MACROD2: variants seen among roughly 807,000 people sequenced by gnomAD.
The protein encoded by MACROD2 is ADP-ribose glycohydrolase MACROD2.
Under a neutral mutation model 70.4 loss-of-function variants are expected in MACROD2, and 36 were observed. That is an observed-to-expected ratio of 0.51 (90% CI 0.39 to 0.68). The LOEUF (loss-of-function observed/expected upper bound fraction) is 0.68. Ranked by LOEUF, MACROD2 falls within the 30% of genes least tolerant of loss-of-function variation. The pLI is 0.00. For synonymous variants in MACROD2, 172 were observed against 178.8 expected (o/e 0.96, Z 0.30); for missense variants, 496 against 538.4 (o/e 0.92, Z 0.78).
At chr20:14,562,082 C>A (rs547497570) in intron 4 of MACROD2, among the ~76,000 whole-genome samples, 6 of 151,838 alleles carry the variant, frequency 4.0e-5, no homozygotes, top group Admixed American at 3.9e-4. Context: ...CTAAATAGAA[C>A]CTATCCCTCT....
At chr20:15,184,085 C>CTCT (rs1555790538) in intron 5 of MACROD2, among the ~76,000 whole-genome samples, 1 of 151,670 alleles carries the variant, frequency 6.6e-6, no homozygotes, top group African/African-American at 2.4e-5. Context: ...TTTCAAGGAA[C>CTCT]CCTCCCCTTT....
intron 3 of MACROD2, among the ~76,000 whole-genome samples, chr20:14,439,138 G>A (rs1165933903): frequency 2.0e-5 from 3 of 152,092 alleles, no homozygotes; most frequent in African/African-American, 7.2e-5. Context: ...AGTTTTTGTA[G>A]CACTATTTGT....
chr20:14,848,472 T>C (rs2073165852), intron 5 of MACROD2, among the ~76,000 whole-genome samples: 1 of 152,102 alleles, frequency 6.6e-6, no homozygotes, highest in Admixed American at 6.5e-5. Flanking sequence ...AGTATGCTGT[T>C]TTTATTTAAT....
Position 16,045,364 on chromosome 20 carries a change from T to C in MACROD2, c.1300+725T>C, listed in dbSNP as rs1041461545. On this transcript the variant is annotated intron_variant, in intron 17 of 17. Coordinates refer to ENST00000684519, the MANE Select transcript of MACROD2 (RefSeq NM_001351661.2). ...GTGTAACTGAGTCCAAAGCCAGTAC[T>C]GCTTGCTTCATGGCAGCCAATACAT... 1.7e-3 allele frequency among the ~76,000 whole-genome samples: 265 copies of C among 152,328 alleles called. 8 individuals are homozygous for C. The highest frequency in any genetic ancestry group is 2.4e-4 in the Non-Finnish European group (16 of 68,022).
intron 2 of MACROD2, among the ~76,000 whole-genome samples, chr20:14,048,820 G>A (rs1409250377): frequency 7.2e-5 from 11 of 152,274 alleles, no homozygotes; most frequent in East Asian, 3.9e-4. Flanking sequence ...TACTAATAAT[G>A]TACTTTGAAG....
chr20:14,951,013 A>G lies in MACROD2; in HGVS notation c.418+266054A>G, dbSNP rs545012440. ...GTATCTTCTTTCAGTACTGAGCTTA[A>G]TATGTAGAGAACCAAGGCAGCCCAC... On this transcript the variant is annotated intron_variant, in intron 5 of 17. Transcript: ENST00000684519. Among the ~76,000 whole-genome samples, 10 of 152,232 alleles carry G rather than the reference A, an allele frequency of 6.6e-5. No individual in the cohort carries two copies. The South Asian group carries it at 2.1e-3, about 32-fold the overall frequency.
At chr20:14,375,861 C>G (rs2083366227) in intron 3 of MACROD2, among the ~76,000 whole-genome samples, 1 of 152,180 alleles carries the variant, frequency 6.6e-6, no homozygotes, top group East Asian at 1.9e-4. Context: ...TCTGTTTGGT[C>G]ATTATGCCAG....
intron 7 of MACROD2, among the ~76,000 whole-genome samples, chr20:15,486,739 G>T (rs952639481): frequency 3.3e-5 from 5 of 152,184 alleles, no homozygotes; most frequent in African/African-American, 1.2e-4. Context: ...AGGTGGCAAA[G>T]ACCTAGATAG....
At chr20:14,517,496 G>T (rs560366624) in intron 4 of MACROD2, among the ~76,000 whole-genome samples, 107 of 152,182 alleles carry the variant, frequency 7.0e-4, no homozygotes, top group Middle Eastern at 3.4e-3. Flanking sequence ...ATGAGAACAC[G>T]TGGACACAAG....
intron 7 of MACROD2, among the ~76,000 whole-genome samples, chr20:15,467,878 T>C (rs1456268225): frequency 2.6e-5 from 4 of 152,192 alleles, no homozygotes. Context: ...CTAATTTGTA[T>C]GAAGTTCTTA....
At chr20:15,052,948 G>C (rs375159248) in intron 5 of MACROD2, among the ~76,000 whole-genome samples, 11 of 152,188 alleles carry the variant, frequency 7.2e-5, no homozygotes, top group African/African-American at 2.7e-4. Flanking sequence ...TGGGAGATAT[G>C]GAGAAAGTTT....
chr20:15,328,610 T>G (rs2077957983), intron 6 of MACROD2, among the ~76,000 whole-genome samples: 1 of 152,124 alleles, frequency 6.6e-6, no homozygotes, highest in Non-Finnish European at 1.5e-5. Context: ...CAGAAATTAA[T>G]TGCATTGCAC....
chr20:15,308,610 C>T (rs2077721456), intron 6 of MACROD2, among the ~76,000 whole-genome samples: 1 of 152,114 alleles, frequency 6.6e-6, no homozygotes, highest in South Asian at 2.1e-4. Context: ...CTTTTAATGG[C>T]TTATGTATAG....
chr20:14,870,177 C>A (rs182798971), intron 5 of MACROD2, among the ~76,000 whole-genome samples: 3 of 152,176 alleles, frequency 2.0e-5, no homozygotes, highest in Admixed American at 2.0e-4. Flanking sequence ...CATTTAGCTC[C>A]CACTTATAAG....
chr20:15,540,981 G>C (rs1211307729), intron 8 of MACROD2, among the ~76,000 whole-genome samples: 1 of 152,128 alleles, frequency 6.6e-6, no homozygotes, highest in African/African-American at 2.4e-5. Context: ...TACATCAGTG[G>C]TGAGACCCTA....
At position 16,010,237 on chromosome 20, in the gene MACROD2, G is replaced by T. The variant is rs371475339; in HGVS notation, c.1153+23079G>T. On this transcript the variant is annotated intron_variant, in intron 15 of 17. Coordinates refer to ENST00000684519, the MANE Select transcript of MACROD2 (RefSeq NM_001351661.2). ...GTGGCGCATGTCCTGGTGCATGTGG[G>T]TTACCTGTACAGCACTACACAGCCT... Among the ~76,000 whole-genome samples, 75 of 152,252 alleles carry T rather than the reference G, an allele frequency of 4.9e-4. No individual in the cohort carries two copies. The East Asian group carries it at 6.6e-3, about 13-fold the overall frequency.
At chr20:14,539,823 A>G (rs904951240) in intron 4 of MACROD2, among the ~76,000 whole-genome samples, 1 of 152,202 alleles carries the variant, frequency 6.6e-6, no homozygotes, top group Non-Finnish European at 1.5e-5. Flanking sequence ...GAGGTAACAA[A>G]TTCTGATAAA....
At chr20:14,698,248 C>T (rs559825987) in intron 5 of MACROD2, among the ~76,000 whole-genome samples, 4 of 152,280 alleles carry the variant, frequency 2.6e-5, no homozygotes, top group African/African-American at 9.6e-5. Context: ...TTAATAGCCA[C>T]ACTGTCTAAA....
chr20:15,474,686 C>A (rs1197023318), intron 7 of MACROD2, among the ~76,000 whole-genome samples: 2 of 152,194 alleles, frequency 1.3e-5, no homozygotes, highest in Non-Finnish European at 2.9e-5. Flanking sequence ...ACAGAGGCAA[C>A]CCCATAGGTG....
Sources: allele counts gnomAD v4.1 joint callset (sites outside exome capture counted in the v4.1 genomes callset), GRCh38; gene constraint gnomAD v4.1.1; transcripts MANE v1.5; gene names NCBI Gene and HGNC (gene_info 2026-07-23, HGNC 2026-07-21).